Variants in TRIM65 observed in about 807,000 individuals in gnomAD.
The protein encoded by TRIM65 is E3 ubiquitin-protein ligase TRIM65.
A neutral mutation model predicts 36.1 loss-of-function variants in TRIM65; 46 were observed. The ratio of observed to expected loss-of-function variants is 1.27; its 90% CI spans 1.01 to 1.63. The LOEUF (loss-of-function observed/expected upper bound fraction) is 1.63. TRIM65 is among the 40% of genes most tolerant of loss of function. TRIM65 has a pLI of 0.00. For missense variants in TRIM65, 708 were observed against 696.6 expected, an observed-to-expected ratio of 1.02 and a Z score of -0.18; for synonymous variants, 346 against 313.6, an observed-to-expected ratio of 1.10 and a Z score of -1.09.
intron 4 of TRIM65, among the ~76,000 whole-genome samples, chr17:75,881,067 G>A (rs1245498342): frequency 8.7e-5 from 13 of 149,804 alleles, no homozygotes; most frequent in East Asian, 1.9e-4. Flanking sequence ...TTAACATGGC[G>A]AAACCCCATC....
In TRIM65 at chr17:75,891,168, G is replaced by A. The variant is rs150794170; in HGVS notation, c.1165C>T (p.Arg389Cys). 8.0e-5 allele frequency: 129 copies of A among 1,609,762 alleles called. No homozygotes were observed. The highest frequency in any genetic ancestry group is 9.8e-5 in the Non-Finnish European group (116 of 1,179,954). ...FQAGHHYWEV[R>C]ASDHSVTLGV... is the part of the protein sequence containing the mutation. ...AGTGTCACCGAGTGGTCTGACGCGC[G>A]CACCTCCCAGTAGTGGTGCCCGGCC... Residue 389 changes from arginine (R) to cysteine (C), a missense_variant, in exon 6 of 6, where the codon CGC becomes TGC. Transcript: ENST00000269383.
chr17:75,884,223 C>T (rs1309338404), downstream of TRIM65, among the ~76,000 whole-genome samples: 1 of 152,066 alleles, frequency 6.6e-6, no homozygotes, highest in Admixed American at 6.6e-5. Flanking sequence ...TTTGGGAGGC[C>T]GAGGCGGGCG....
At chr17:75,884,707 A>C (rs78866233), downstream of TRIM65, among the ~76,000 whole-genome samples, 62,925 of 152,030 alleles carry the variant, frequency 0.41, 16,435 homozygotes, top group African/African-American at 0.75. Context: ...CAGCCTCAAC[A>C]TCCCGGGCTC....
chr17:75,894,101 G>A (rs1013732857), intron 1 of TRIM65, among the ~76,000 whole-genome samples: 1 of 152,082 alleles, frequency 6.6e-6, no homozygotes, highest in Non-Finnish European at 1.5e-5. Flanking sequence ...TCTAGGCATC[G>A]ATTCTTCCTT....
At chr17:75,884,938 CTTTT>C (rs534194648), downstream of TRIM65, among the ~76,000 whole-genome samples, 2 of 135,872 alleles carry the variant, frequency 1.5e-5, no homozygotes, top group African/African-American at 2.8e-5. Context: ...ACTTGAGTTC[CTTTT>C]TTTTTTTTTT....
chr17:75,884,369 G>C (rs1203575793), downstream of TRIM65, among the ~76,000 whole-genome samples: 1 of 152,048 alleles, frequency 6.6e-6, no homozygotes, highest in African/African-American at 2.4e-5. Context: ...TGAAGCAGGA[G>C]AATCGCTTGA....
chr17:75,896,379 C>T (rs1253892358), intron 1 of TRIM65, 145 bp downstream of exon 1: 6 of 1,187,422 alleles, frequency 5.1e-6, no homozygotes, highest in African/African-American at 1.6e-5. Context: ...ATAATCAGCT[C>T]CCAGGTTGGG....
chr17:75,892,391 G>C lies in TRIM65; in HGVS notation c.620C>G (p.Thr207Arg). Residue 207 changes from threonine (T) to arginine (R), a missense_variant, in exon 3 of 6, where the codon ACG (threonine) becomes AGG (arginine). By Grantham distance (71) the Thr-to-Arg change is moderately conservative. Coordinates refer to ENST00000269383, the MANE Select transcript of TRIM65 (RefSeq NM_173547.4). The stretch of plus-strand genomic sequence containing the variant: ...GTCTCGAGCCTGTGCCAGCGCCTGC[G>C]TCTTGGCCACCTCGATGCTCCTCAG... ...TALRSIEVAK[T>R]QALAQARDEE... is the part of the protein sequence containing the mutation. 6.2e-7 allele frequency: 1 copy of C among 1,613,994 alleles called. No individual in the cohort carries two copies. The highest frequency in any genetic ancestry group is 8.5e-7 in the Non-Finnish European group (1 of 1,179,988).
intron 4 of TRIM65, 24 bp downstream of exon 4, chr17:75,891,987 G>T: frequency 1.9e-6 from 3 of 1,551,408 alleles, no homozygotes; most frequent in South Asian, 1.2e-5. Context: ...AGGACAGCAG[G>T]GGGAGGCCTG....
chr17:75,893,192 A>G (rs1952945063), intron 1 of TRIM65, among the ~76,000 whole-genome samples: 1 of 152,158 alleles, frequency 6.6e-6, no homozygotes, highest in Admixed American at 6.5e-5. Flanking sequence ...CCCACCCATC[A>G]ATACAGGAAA....
chr17:75,885,129 T>C (rs1474500432), downstream of TRIM65, among the ~76,000 whole-genome samples: 1 of 151,768 alleles, frequency 6.6e-6, no homozygotes, highest in Admixed American at 6.6e-5. Context: ...GGTTTCACCA[T>C]ATTGGCCAGG....
downstream of TRIM65, among the ~76,000 whole-genome samples, chr17:75,886,535 A>C (rs1351310076): frequency 6.6e-6 from 1 of 151,722 alleles, no homozygotes; most frequent in African/African-American, 2.4e-5. Flanking sequence ...AAAAAAAAAA[A>C]AAAAAAACCA....
intron 4 of TRIM65, 53 bp from the exon 5 acceptor site, chr17:75,891,931 G>T: frequency 6.4e-7 from 1 of 1,563,358 alleles, no homozygotes. Flanking sequence ...CGATGTGTGG[G>T]CCCTGACCCG....
chr17:75,886,741 G>A (rs1188641605), downstream of TRIM65, among the ~76,000 whole-genome samples: 1 of 152,020 alleles, frequency 6.6e-6, no homozygotes, highest in Non-Finnish European at 1.5e-5. Flanking sequence ...CACAACTGAA[G>A]CCCAGAATCT....
intron 2 of TRIM65, 117 bp downstream of exon 2, chr17:75,892,638 G>A: frequency 1.6e-6 from 2 of 1,239,382 alleles, no homozygotes; most frequent in Non-Finnish European, 1.1e-6. Flanking sequence ...CAGGACCCCT[G>A]TGCCCAGCTC....
At chr17:75,884,695 T>G (rs1231643943), downstream of TRIM65, among the ~76,000 whole-genome samples, 1 of 152,200 alleles carries the variant, frequency 6.6e-6, no homozygotes, top group Non-Finnish European at 1.5e-5. Context: ...CACAGCTTAC[T>G]GCAGCCTCAA....
chr17:75,881,586 C>T (rs1599441916), intron 4 of TRIM65, among the ~76,000 whole-genome samples: 1 of 150,646 alleles, frequency 6.6e-6, no homozygotes, highest in Non-Finnish European at 1.5e-5. Flanking sequence ...AATGAGGCTC[C>T]GCCCACCTGA....
At chr17:75,879,803 G>T (rs1402159619), downstream of TRIM65, among the ~76,000 whole-genome samples, 1 of 150,516 alleles carries the variant, frequency 6.6e-6, no homozygotes, top group African/African-American at 2.5e-5. Context: ...GCCCAGGCTG[G>T]AGTGCAGTGG....
chr17:75,880,100 A>G (rs1007846369), downstream of TRIM65, among the ~76,000 whole-genome samples: 1 of 150,646 alleles, frequency 6.6e-6, no homozygotes, highest in African/African-American at 2.5e-5. Flanking sequence ...AACTGCTCAT[A>G]CCACTCTGGT....
Sources: gnomAD v4.1 joint callset for allele counts (sites outside exome capture counted in the v4.1 genomes callset) on GRCh38, gnomAD v4.1.1 for gene constraint, MANE v1.5 for transcripts, NCBI Gene and HGNC (gene_info 2026-07-23, HGNC 2026-07-21) for gene names.